The following GRK3 variants were observed in gnomAD, a reference collection of about 807,000 sequenced individuals.
GRK3 encodes G protein-coupled receptor kinase 3, also known as adrenergic, beta, receptor kinase 2.
A neutral mutation model predicts 95.7 loss-of-function variants in GRK3; 54 were observed. The ratio of observed to expected loss-of-function variants is 0.56; its 90% CI spans 0.45 to 0.71. GRK3 has a LOEUF of 0.71. GRK3 is among the 30% of genes least tolerant of loss of function. GRK3 has a pLI of 0.00. For missense variants in GRK3, 649 were observed against 851.2 expected, an observed-to-expected ratio of 0.76 and a Z score of 2.96; for synonymous variants, 281 against 290.8, an observed-to-expected ratio of 0.97 and a Z score of 0.34.
chr22:25,718,177 GAGA>G, intron 18 of GRK3, 65 bp from the exon 19 acceptor site: 1 of 1,510,592 alleles, frequency 6.6e-7, no homozygotes, highest in East Asian at 2.3e-5. Flanking sequence ...TCTTTTTTCA[GAGA>G]ATAATGCTGC....
chr22:25,611,192 G>A (rs2084494746), intron 2 of GRK3, among the ~76,000 whole-genome samples: 1 of 152,210 alleles, frequency 6.6e-6, no homozygotes, highest in South Asian at 2.1e-4. Context: ...TTCAGCAGTT[G>A]ATGGGCATTT....
chr22:25,688,235 C>CAAAAAAAAAAAAAAAAAAAAA (rs35383882), intron 11 of GRK3, among the ~76,000 whole-genome samples: 1 of 63,490 alleles, frequency 1.6e-5, no homozygotes, highest in Non-Finnish European at 3.2e-5. Flanking sequence ...GACTCTGTCT[C>CAAAAAAAAAAAAAAAAAAAAA]AAAAAAAAAA....
intron 2 of GRK3, among the ~76,000 whole-genome samples, chr22:25,640,252 C>G (rs1010210800): frequency 3.3e-5 from 5 of 152,154 alleles, no homozygotes; most frequent in African/African-American, 1.2e-4. Context: ...TTTTGTTTGT[C>G]TCACAGCTCA....
chr22:25,648,728 T>C (rs1388880623), intron 3 of GRK3: 1 of 1,080,388 alleles, frequency 9.3e-7, no homozygotes, highest in African/African-American at 1.5e-5. Context: ...AAATGGTTGA[T>C]ATGCCTGCTC....
chr22:25,599,921 T>C (rs2084397592), intron 1 of GRK3, among the ~76,000 whole-genome samples: 1 of 152,180 alleles, frequency 6.6e-6, no homozygotes, highest in Admixed American at 6.5e-5. Context: ...CTGAAAGGTA[T>C]AGCCACAACA....
At chr22:25,620,441 C>G (rs1277578694) in intron 2 of GRK3, among the ~76,000 whole-genome samples, 2 of 152,092 alleles carry the variant, frequency 1.3e-5, no homozygotes, top group African/African-American at 4.8e-5. Context: ...TTGGGTGGAC[C>G]TAGTTTCTAA....
chr22:25,592,643 A>G (rs1397011071), intron 1 of GRK3, among the ~76,000 whole-genome samples: 3 of 152,176 alleles, frequency 2.0e-5, no homozygotes, highest in African/African-American at 7.2e-5. Flanking sequence ...ATTACTTTTT[A>G]GAAACAATAA....
At chr22:25,644,891 A>C (rs1345557729) in intron 3 of GRK3, among the ~76,000 whole-genome samples, 1 of 152,204 alleles carries the variant, frequency 6.6e-6, no homozygotes, top group East Asian at 1.9e-4. Flanking sequence ...GGAAGCAATG[A>C]GGGACAGTTG....
chr22:25,695,747 C>T (rs1006775196), intron 13 of GRK3, among the ~76,000 whole-genome samples: 10 of 152,100 alleles, frequency 6.6e-5, no homozygotes, highest in Admixed American at 1.3e-4. Context: ...ACTGTAGCCT[C>T]GACCTCCTGG....
At chr22:25,647,496 C>A in intron 3 of GRK3, 2 of 1,408,428 alleles carry the variant, frequency 1.4e-6, no homozygotes, top group South Asian at 1.2e-5. Flanking sequence ...CTTCCTCATT[C>A]TCAGTGGTGC....
chr22:25,603,834 A>T (rs1430692885), intron 1 of GRK3, among the ~76,000 whole-genome samples: 1 of 152,238 alleles, frequency 6.6e-6, no homozygotes, highest in Non-Finnish European at 1.5e-5. Context: ...ATTTTGAAAG[A>T]ATAATTTCAA....
chr22:25,707,627 C>T (rs942908002), intron 15 of GRK3, among the ~76,000 whole-genome samples: 1 of 152,164 alleles, frequency 6.6e-6, no homozygotes, highest in African/African-American at 2.4e-5. Flanking sequence ...CTGGAGGAGT[C>T]AGCGAGGGAG....
In GRK3 at chr22:25,564,897, C is replaced by G. The variant is rs1412062098; in HGVS notation, c.-144C>G. 1.5e-5 allele frequency: 2 copies of G among 135,998 alleles called. No individual in the cohort carries two copies. Among genetic ancestry groups the G allele is most frequent in the African/African-American group, 5.3e-5 (2 of 37,744 alleles). The allele number at this position is 135,998 out of a possible 1,614,324, so 8.4% of individuals were successfully genotyped here. On this transcript the variant is annotated 5_prime_UTR_variant, in exon 1 of 21. Coordinates refer to ENST00000324198, the MANE Select transcript of GRK3 (RefSeq NM_005160.4). ...CGCAGAGCGCTAGTGGGGCGCGCGG[C>G]GCGCGCGCGGGGCGGGGGCGCGCGG...
intron 12 of GRK3, among the ~76,000 whole-genome samples, chr22:25,693,770 A>C (rs908650058): frequency 2.1e-5 from 3 of 146,116 alleles, no homozygotes; most frequent in African/African-American, 8.2e-5. Context: ...GCAAGTTAAA[A>C]ATTCTTTTTT....
chr22:25,632,276 G>T (rs2084669446), intron 2 of GRK3, among the ~76,000 whole-genome samples: 1 of 151,946 alleles, frequency 6.6e-6, no homozygotes. Flanking sequence ...GATTTTAATT[G>T]GTATTTTCCT....
At chr22:25,720,469 T>A (rs1328145139) in intron 19 of GRK3, among the ~76,000 whole-genome samples, 20 of 120,366 alleles carry the variant, frequency 1.7e-4, no homozygotes, top group African/African-American at 6.8e-4. Context: ...ACTATAGACT[T>A]TTTTTTTTTT....
chr22:25,590,453 A>G (rs1441954597), intron 1 of GRK3, among the ~76,000 whole-genome samples: 2 of 152,104 alleles, frequency 1.3e-5, no homozygotes, highest in African/African-American at 4.8e-5. Context: ...TTTTTGTTAA[A>G]GATATCAGGT....
In GRK3 at chr22:25,704,118, C is replaced by T. The variant is rs144292845; in HGVS notation, c.1237C>T (p.Leu413Phe). ...CTCGTCTTTTCCCCAGAATGTGGAA[C>T]TTCCAGACACCTTCTCTCCTGAACT... ...DRMTLTVNVE[L>F]PDTFSPELKS... is the part of the protein sequence containing the mutation. The change falls in exon 15 of 21, where the codon CTT becomes TTT. Residue 413 changes from leucine to phenylalanine, a missense_variant. This residue lies in a region of GRK3 where 382 missense variants were observed against 493.8 expected (regional missense o/e 0.77). Coordinates refer to ENST00000324198, the MANE Select transcript of GRK3 (RefSeq NM_005160.4). 19 of 1,610,572 alleles carry T rather than the reference C, an allele frequency of 1.2e-5. No homozygotes were observed. The East Asian group carries it at 2.5e-4, about 21-fold the overall frequency.
chr22:25,674,434 C>CA lies in GRK3; in HGVS notation c.556-2dup. 6.2e-7 allele frequency: 1 copy of CA among 1,608,846 alleles called. No individual in the cohort carries two copies. The highest frequency in any genetic ancestry group is 8.5e-7 in the Non-Finnish European group (1 of 1,176,878). ...GTTTTCATTTTGTGTTTGGATTTCC[C>CA]AGTTGACCATGAATGAGTTCAGTGT... On this transcript the variant is annotated splice_region_variant and splice_polypyrimidine_tract_variant and intron_variant, in intron 7 of 20. Transcript: ENST00000324198.
Sources: allele counts gnomAD v4.1 joint callset (sites outside exome capture counted in the v4.1 genomes callset), GRCh38; gene constraint gnomAD v4.1.1; regional missense constraint gnomAD v4.1.1; transcripts MANE v1.5; gene names NCBI Gene and HGNC (gene_info 2026-07-23, HGNC 2026-07-21).